The following LRRC56 variants were observed in gnomAD, a reference collection of about 807,000 sequenced individuals.
LRRC56 encodes leucine rich repeat containing 56, also known as leucine-rich repeat-containing protein 56.
In LRRC56, 41 loss-of-function variants were observed where a neutral mutation model predicts 47.8. The ratio of observed to expected loss-of-function variants is 0.86; its 90% CI spans 0.67 to 1.11. The LOEUF (loss-of-function observed/expected upper bound fraction) is 1.11. Ranked by LOEUF, LRRC56 falls within the 50% of genes most tolerant of loss-of-function variation. The pLI is 0.00. For synonymous variants in LRRC56, 387 were observed against 311.2 expected, an observed-to-expected ratio of 1.24 and a Z score of -2.56; for missense variants, 759 against 704.2, an observed-to-expected ratio of 1.08 and a Z score of -0.88.
upstream of LRRC56, among the ~76,000 whole-genome samples, chr11:535,795 C>T (rs1012125913): frequency 3.2e-4 from 48 of 152,050 alleles, no homozygotes; most frequent in African/African-American, 1.1e-3. Context: ...CGGGGTTGCT[C>T]GAGGAAGGCC....
intron 3 of LRRC56, among the ~76,000 whole-genome samples, chr11:540,120 C>T (rs1404090515): frequency 1.3e-5 from 2 of 152,230 alleles, no homozygotes; most frequent in Non-Finnish European, 2.9e-5. Context: ...TACATGCCAC[C>T]TCCTTGCCTG....
At chr11:509,133 A>G in the LRRC56 span, among the ~76,000 whole-genome samples, 1 of 152,042 alleles carries the variant, frequency 6.6e-6, no homozygotes, top group African/African-American at 2.4e-5. Flanking sequence ...GCTGGAAGGC[A>G]GCCAACCTGG....
At position 554,488 on chromosome 11, in the gene LRRC56, G is replaced by C; in HGVS notation, c.*212G>C. On this transcript the variant is annotated 3_prime_UTR_variant, in exon 14 of 14. Coordinates refer to ENST00000270115, the MANE Select transcript of LRRC56 (RefSeq NM_198075.4). ...CCAGTTTAGGCCCCCAACTGGGTTT[G>C]GCCTGGGGAGGGAGGGTCCGGCTCC... The C allele has an allele frequency of 2.2e-6, 1 of 451,558 alleles. No homozygotes were observed. The highest frequency in any genetic ancestry group is 3.8e-6 in the Non-Finnish European group (1 of 261,264). The allele number at this position is 451,558 out of a possible 1,614,324, so 28.0% of individuals were successfully genotyped here.
the LRRC56 span, among the ~76,000 whole-genome samples, chr11:521,034 A>G: frequency 6.6e-6 from 1 of 152,190 alleles, no homozygotes; most frequent in Non-Finnish European, 1.5e-5. Context: ...GACTTTATGC[A>G]AACACTGCCA....
the LRRC56 span, among the ~76,000 whole-genome samples, chr11:518,316 G>T: frequency 2.0e-5 from 3 of 151,846 alleles, no homozygotes; most frequent in African/African-American, 7.3e-5. Context: ...GGAGTAGCTG[G>T]GACTACAGGT....
At position 554,436 on chromosome 11, in the gene LRRC56, A is replaced by T; in HGVS notation, c.*160A>T. Reference sequence around the variant, plus strand: ...TGGAGGGGAGTGGGGGACTGGGACCAGCCAGGGAGGCAGCAGAGGCTGGAA... The same window carrying T: ...TGGAGGGGAGTGGGGGACTGGGACCTGCCAGGGAGGCAGCAGAGGCTGGAA... On this transcript the variant is annotated 3_prime_UTR_variant, in exon 14 of 14. Transcript: ENST00000270115. 8 of 595,976 alleles carry T rather than the reference A, an allele frequency of 1.3e-5. No individual in the cohort carries two copies. The highest frequency in any genetic ancestry group is 1.5e-5 in the Non-Finnish European group (6 of 388,148). The allele number at this position is 595,976 out of a possible 1,614,324, so 36.9% of individuals were successfully genotyped here.
Position 554,409 on chromosome 11 carries a change from G to C in LRRC56, c.*133G>C, listed in dbSNP as rs1174580772. The C allele has an allele frequency of 2.6e-6, 2 of 765,992 alleles. No individual in the cohort carries two copies. The highest frequency in any genetic ancestry group is 3.7e-6 in the Non-Finnish European group (2 of 536,648). The allele number at this position is 765,992 out of a possible 1,614,324, so 47.4% of individuals were successfully genotyped here. ...GCCTGGCCCTGGGGAGGACCCTCTT[G>C]GTGGAGGGGAGTGGGGGACTGGGAC... On this transcript the variant is annotated 3_prime_UTR_variant, in exon 14 of 14. Coordinates refer to ENST00000270115, the MANE Select transcript of LRRC56 (RefSeq NM_198075.4).
the LRRC56 span, among the ~76,000 whole-genome samples, chr11:508,692 G>A: frequency 4.1e-5 from 6 of 147,418 alleles, no homozygotes; most frequent in African/African-American, 1.3e-4. Flanking sequence ...GCTTGAACAC[G>A]GGAAGCAGAG....
At chr11:533,366 A>C, upstream of LRRC56, 1 of 1,607,466 alleles carries the variant, frequency 6.2e-7, no homozygotes, top group Non-Finnish European at 8.5e-7. Context: ...GCCCTGTGTC[A>C]AGGGAGAGGG....
chr11:512,078 G>C, the LRRC56 span, among the ~76,000 whole-genome samples: 1 of 151,720 alleles, frequency 6.6e-6, no homozygotes, highest in South Asian at 2.1e-4. Flanking sequence ...CGAGTAGCTG[G>C]GACTACAGGT....
At position 551,092 on chromosome 11, in the gene LRRC56, C is replaced by T. The variant is rs1005448685; in HGVS notation, c.625-39C>T. The T allele has an allele frequency of 3.4e-6, 4 of 1,181,050 alleles. No homozygotes were observed. The African/African-American group carries it at 6.3e-5, about 19-fold the overall frequency. The allele number at this position is 1,181,050 out of a possible 1,614,324, so 73.2% of individuals were successfully genotyped here. On this transcript the variant is annotated intron_variant, in intron 8 of 13. Transcript: ENST00000270115. ...AGCTGGCCGGAAGGAAACACTGGAC[C>T]CAGACCTGCCCTCCCTCCCCCTCCC...
chr11:517,431 G>A, the LRRC56 span, among the ~76,000 whole-genome samples: 17,006 of 151,506 alleles, frequency 0.11, 1,056 homozygotes, highest in Middle Eastern at 0.15. Context: ...TCTGGGAGTT[G>A]AGGGGTGCCT....
the LRRC56 span, among the ~76,000 whole-genome samples, chr11:516,704 T>C: frequency 6.6e-6 from 1 of 152,168 alleles, no homozygotes; most frequent in African/African-American, 2.4e-5. Flanking sequence ...TTTGGGAGGC[T>C]GAAGCAGGAG....
chr11:516,918 C>T, the LRRC56 span, among the ~76,000 whole-genome samples: 8 of 152,216 alleles, frequency 5.3e-5, no homozygotes, highest in Non-Finnish European at 7.3e-5. Flanking sequence ...GCTGTGGTCT[C>T]GGCTTGCTGC....
the LRRC56 span, among the ~76,000 whole-genome samples, chr11:508,942 G>A: frequency 6.6e-6 from 1 of 152,292 alleles, no homozygotes; most frequent in South Asian, 2.1e-4. Flanking sequence ...CTACTCAGGA[G>A]GCTGAGGCAG....
intron 13 of LRRC56, among the ~76,000 whole-genome samples, chr11:553,534 G>C (rs1852551065): frequency 6.6e-6 from 1 of 152,152 alleles, no homozygotes; most frequent in Admixed American, 6.5e-5. Flanking sequence ...AGTGGCCTCA[G>C]GGCAGGGTCA....
At chr11:519,064 A>C in the LRRC56 span, among the ~76,000 whole-genome samples, 1 of 152,210 alleles carries the variant, frequency 6.6e-6, no homozygotes, top group Non-Finnish European at 1.5e-5. Flanking sequence ...TCCGCTGTGC[A>C]AACCGGTCCT....
At chr11:527,828 G>A in the LRRC56 span, among the ~76,000 whole-genome samples, 1 of 151,298 alleles carries the variant, frequency 6.6e-6, no homozygotes, top group Non-Finnish European at 1.5e-5. Context: ...AGCCTCCCAA[G>A]TAGCTGGGAT....
upstream of LRRC56, chr11:533,667 A>G: frequency 6.2e-7 from 1 of 1,612,604 alleles, no homozygotes; most frequent in Non-Finnish European, 8.5e-7. Context: ...AGCGGCATCC[A>G]GGACATGCGC....
Sources: gnomAD v4.1 joint callset for allele counts (sites outside exome capture counted in the v4.1 genomes callset) on GRCh38, gnomAD v4.1.1 for gene constraint, MANE v1.5 for transcripts, NCBI Gene and HGNC (gene_info 2026-07-23, HGNC 2026-07-21) for gene names.